The following GRM8 variants were observed in gnomAD, a reference collection of about 807,000 sequenced individuals.
GRM8 encodes glutamate metabotropic receptor 8, also known as metabotropic glutamate receptor 8.
A neutral mutation model predicts 87.2 loss-of-function variants in GRM8; 47 were observed. The ratio of observed to expected loss-of-function variants is 0.54; its 90% CI spans 0.43 to 0.69. The LOEUF is 0.69. Ranked by LOEUF, GRM8 falls within the 30% of genes least tolerant of loss-of-function variation. The pLI is 0.00. For missense variants in GRM8, 1,019 were observed against 1,139.2 expected, an observed-to-expected ratio of 0.89 and a Z score of 1.52; for synonymous variants, 396 against 404.5, an observed-to-expected ratio of 0.98 and a Z score of 0.25.
chr7:126,758,114 A>G (rs554455573), intron 7 of GRM8, among the ~76,000 whole-genome samples: 53 of 152,290 alleles, frequency 3.5e-4, no homozygotes, highest in Non-Finnish European at 6.3e-4. Flanking sequence ...TAAGGCATGT[A>G]AAGGAATTTG....
intron 3 of GRM8, among the ~76,000 whole-genome samples, chr7:127,050,732 C>A (rs1819383857): frequency 6.6e-6 from 1 of 152,116 alleles, no homozygotes; most frequent in Admixed American, 6.6e-5. Flanking sequence ...TTGCAGAGAG[C>A]CGATGACGTT....
intron 6 of GRM8, among the ~76,000 whole-genome samples, chr7:126,867,985 GA>G (rs1476629960): frequency 6.6e-6 from 1 of 152,188 alleles, no homozygotes; most frequent in Non-Finnish European, 1.5e-5. Flanking sequence ...GAGAAAAAAT[GA>G]AGTGTGAAAA....
chr7:126,589,322 TGGGAGCCGG>T (rs1562983842), intron 8 of GRM8, among the ~76,000 whole-genome samples: 2 of 152,098 alleles, frequency 1.3e-5, no homozygotes, highest in Non-Finnish European at 2.9e-5. Context: ...TTGGATTGCA[TGGGAGCCGG>T]GTGAGGCCTG....
chr7:126,695,547 A>G (rs952551840), intron 7 of GRM8, among the ~76,000 whole-genome samples: 1 of 152,152 alleles, frequency 6.6e-6, no homozygotes, highest in Non-Finnish European at 1.5e-5. Context: ...GGCAGAAGAA[A>G]GCATATTAGA....
chr7:126,478,052 TC>T (rs1392883410), intron 9 of GRM8, among the ~76,000 whole-genome samples: 6 of 152,104 alleles, frequency 3.9e-5, no homozygotes, highest in Admixed American at 3.9e-4. Flanking sequence ...TGGATTCAAG[TC>T]CCATTTGGCT....
At chr7:127,142,631 G>A (rs1019899789) in intron 2 of GRM8, among the ~76,000 whole-genome samples, 1 of 152,120 alleles carries the variant, frequency 6.6e-6, no homozygotes, top group Non-Finnish European at 1.5e-5. Context: ...TATTTTTCCA[G>A]ATAAATTGAT....
intron 6 of GRM8, among the ~76,000 whole-genome samples, chr7:126,795,094 T>C (rs1821809082): frequency 6.6e-6 from 1 of 152,178 alleles, no homozygotes; most frequent in Non-Finnish European, 1.5e-5. Context: ...ACATCCCATG[T>C]TCTTATTTAT....
chr7:126,745,876 A>G (rs1389226349), intron 7 of GRM8, among the ~76,000 whole-genome samples: 2 of 151,844 alleles, frequency 1.3e-5, no homozygotes, highest in African/African-American at 2.4e-5. Context: ...GTGTACCTGT[A>G]TTCCATTTAT....
chr7:126,625,073 T>C (rs777560125), intron 7 of GRM8, among the ~76,000 whole-genome samples: 15 of 152,212 alleles, frequency 9.9e-5, no homozygotes, highest in Non-Finnish European at 1.9e-4. Flanking sequence ...GAGTTCTCAA[T>C]GAATAGTTAT....
chr7:126,892,021 T>TAAAAAAA (rs5887316), intron 6 of GRM8, among the ~76,000 whole-genome samples: 9 of 95,072 alleles, frequency 9.5e-5, no homozygotes, highest in African/African-American at 3.8e-4. Flanking sequence ...TCTTGCAGGG[T>TAAAAAAA]AAAAAAAAAA....
intron 6 of GRM8, among the ~76,000 whole-genome samples, chr7:126,808,180 C>T (rs1685380851): frequency 1.3e-5 from 2 of 152,130 alleles, no homozygotes; most frequent in African/African-American, 4.8e-5. Context: ...GACTCTTTTA[C>T]CTGAGTTACA....
chr7:127,054,281 G>T (rs766602575), intron 3 of GRM8, among the ~76,000 whole-genome samples: 16 of 151,986 alleles, frequency 1.1e-4, no homozygotes, highest in Non-Finnish European at 2.2e-4. Context: ...AATAATGAGG[G>T]CCCAAAATGA....
At chr7:127,102,150 C>T (rs1286526633) in intron 3 of GRM8, among the ~76,000 whole-genome samples, 1 of 152,152 alleles carries the variant, frequency 6.6e-6, no homozygotes, top group African/African-American at 2.4e-5. Context: ...CAAAATGTGG[C>T]CTGGCTGCTT....
At chr7:126,608,938 T>C (rs1045588343) in intron 8 of GRM8, among the ~76,000 whole-genome samples, 1 of 152,036 alleles carries the variant, frequency 6.6e-6, no homozygotes, top group African/African-American at 2.4e-5. Context: ...TAATTTTTTT[T>C]GTATTTTTAG....
chr7:126,540,493 G>A (rs1816408540), intron 8 of GRM8, among the ~76,000 whole-genome samples: 1 of 151,954 alleles, frequency 6.6e-6, no homozygotes. Context: ...GTGTATAAAT[G>A]TTCATAACAG....
intron 6 of GRM8, among the ~76,000 whole-genome samples, chr7:126,826,225 G>A (rs2130292527): frequency 6.6e-6 from 1 of 151,906 alleles, no homozygotes; most frequent in African/African-American, 2.4e-5. Context: ...TAGTCCTTTG[G>A]GTATTTACCC....
chr7:126,831,584 T>A (rs918565544), intron 6 of GRM8, among the ~76,000 whole-genome samples: 2 of 152,154 alleles, frequency 1.3e-5, no homozygotes, highest in Non-Finnish European at 2.9e-5. Flanking sequence ...AGTGGCCCAG[T>A]TTTCCAGGTG....
intron 8 of GRM8, among the ~76,000 whole-genome samples, chr7:126,570,273 T>G (rs191614896): frequency 6.6e-6 from 1 of 152,230 alleles, no homozygotes. Context: ...TCAGTTCACC[T>G]GTACTTCCCC....
At chr7:126,663,046 C>G (rs190688243) in intron 7 of GRM8, among the ~76,000 whole-genome samples, 1 of 152,248 alleles carries the variant, frequency 6.6e-6, no homozygotes, top group East Asian at 1.9e-4. Flanking sequence ...CTGAGATATT[C>G]CTAGCTTATG....
Sources: allele counts gnomAD v4.1 joint callset (sites outside exome capture counted in the v4.1 genomes callset), GRCh38; gene constraint gnomAD v4.1.1; transcripts MANE v1.5; gene names NCBI Gene and HGNC (gene_info 2026-07-23, HGNC 2026-07-21).